The following SS18 variants were observed in gnomAD, a reference collection of about 807,000 sequenced individuals.
The protein encoded by SS18 is SS18 subunit of BAF chromatin remodeling complex, also known as protein SSXT.
Under a neutral mutation model 72.5 loss-of-function variants are expected in SS18, and 28 were observed. The observed-to-expected ratio is 0.39, with a 90% CI of 0.29 to 0.53. The LOEUF (loss-of-function observed/expected upper bound fraction) is 0.53. Among genes scored for constraint, SS18 ranks in the 20% least tolerant of loss-of-function variants. The pLI, the probability that SS18 is intolerant of heterozygous loss-of-function variation, is 0.76. For synonymous variants in SS18, 172 were observed against 164.2 expected (o/e 1.05, Z -0.37); for missense variants, 518 against 535.3 (o/e 0.97, Z 0.32).
chr18:26,032,647 T>A (rs1376203286), intron 9 of SS18, 115 bp from the exon 10 acceptor site: 1 of 1,215,650 alleles, frequency 8.2e-7, no homozygotes, highest in Non-Finnish European at 1.1e-6. Context: ...TAAAAAAAGA[T>A]AGTTTGGTAC....
At chr18:26,052,439 A>T (rs560558859) in intron 5 of SS18, among the ~76,000 whole-genome samples, 185 bp downstream of exon 5, 1 of 152,364 alleles carries the variant, frequency 6.6e-6, no homozygotes, top group South Asian at 2.1e-4. Flanking sequence ...AAATAAGCTT[A>T]AAAAGCTACA....
chr18:26,088,832 A>G (rs1048019518), intron 1 of SS18, among the ~76,000 whole-genome samples: 3 of 152,154 alleles, frequency 2.0e-5, no homozygotes, highest in African/African-American at 7.2e-5. Flanking sequence ...TCCATTTAAC[A>G]TTAACTGTCA....
intron 10 of SS18, among the ~76,000 whole-genome samples, chr18:26,031,348 C>A (rs1350816454): frequency 6.6e-6 from 1 of 152,166 alleles, no homozygotes; most frequent in Non-Finnish European, 1.5e-5. Context: ...AAGAACTGCT[C>A]ATGCCTCAAA....
intron 3 of SS18, among the ~76,000 whole-genome samples, chr18:26,062,446 GTAAAAT>G (rs1403939266): frequency 1.3e-5 from 2 of 152,024 alleles, no homozygotes; most frequent in East Asian, 3.9e-4. Flanking sequence ...GATGTACACT[GTAAAAT>G]TATATGTAAA....
At chr18:26,067,701 C>T (rs975741965) in intron 3 of SS18, among the ~76,000 whole-genome samples, 2 of 152,074 alleles carry the variant, frequency 1.3e-5, no homozygotes, top group East Asian at 1.9e-4. Flanking sequence ...GTGGTAAAGA[C>T]GACGAGCTGC....
intron 3 of SS18, among the ~76,000 whole-genome samples, chr18:26,058,828 A>G (rs1321448251): frequency 2.6e-5 from 4 of 152,214 alleles, no homozygotes; most frequent in Non-Finnish European, 5.9e-5. Context: ...TTAAATTCTC[A>G]TATTATTTCT....
chr18:26,089,021 A>G (rs1332350126), intron 1 of SS18, among the ~76,000 whole-genome samples: 2 of 152,186 alleles, frequency 1.3e-5, no homozygotes, highest in Admixed American at 1.3e-4. Flanking sequence ...TATCTCCAGT[A>G]TATTCCTCAA....
chr18:26,080,541 A>G (rs1457206129), intron 2 of SS18: 2 of 206,178 alleles, frequency 9.7e-6, no homozygotes, highest in African/African-American at 2.4e-5. Context: ...ATGGAGTTAA[A>G]GCAGGACACT....
intron 4 of SS18, among the ~76,000 whole-genome samples, chr18:26,053,635 A>T (rs2053962062): frequency 1.3e-5 from 2 of 150,598 alleles, no homozygotes; most frequent in African/African-American, 5.0e-5. Context: ...CACCAGTAAA[A>T]GAATGGGCAA....
At chr18:26,030,697 T>C (rs1164890872) in intron 10 of SS18, among the ~76,000 whole-genome samples, 2 of 152,054 alleles carry the variant, frequency 1.3e-5, no homozygotes, top group Non-Finnish European at 2.9e-5. Flanking sequence ...AGACAAGAGA[T>C]GTTCTGTACA....
At chr18:26,089,155 A>G (rs1463416168) in intron 1 of SS18, among the ~76,000 whole-genome samples, 1 of 152,256 alleles carries the variant, frequency 6.6e-6, no homozygotes. Flanking sequence ...ATAATTGATC[A>G]GCATCCTCCG....
At chr18:26,023,718 C>A in intron 10 of SS18, 1 of 477,190 alleles carries the variant, frequency 2.1e-6, no homozygotes, top group Admixed American at 3.0e-5. Context: ...TACCAGTACA[C>A]CTGCATTTCA....
intron 2 of SS18, chr18:26,085,979 TAGTC>T (rs770876016): frequency 8.6e-5 from 13 of 151,818 alleles, no homozygotes; most frequent in African/African-American, 1.5e-4. Context: ...GAGAATAAAA[TAGTC>T]AGCCCTCAGT....
At chr18:26,066,315 AATCAGGAGGCAGT>A (rs2054215636) in intron 3 of SS18, among the ~76,000 whole-genome samples, 1 of 152,130 alleles carries the variant, frequency 6.6e-6, no homozygotes, top group African/African-American at 2.4e-5. Flanking sequence ...TTGAGAATTA[AATCAGGAGGCAGT>A]ATCATTCTGC....
At chr18:26,060,576 T>C (rs1425211350) in intron 3 of SS18, among the ~76,000 whole-genome samples, 1 of 151,460 alleles carries the variant, frequency 6.6e-6, no homozygotes, top group Non-Finnish European at 1.5e-5. Flanking sequence ...AAAAAAAGAA[T>C]GGACAACCAA....
At chr18:26,087,668 A>C (rs1211892245) in intron 1 of SS18, 91 bp from the exon 2 acceptor site, 2 of 726,708 alleles carry the variant, frequency 2.8e-6, no homozygotes, top group Non-Finnish European at 4.8e-6. Flanking sequence ...GCATTAGTAA[A>C]TACTGCTTGT....
chr18:26,020,005 T>C (rs1022719404), intron 10 of SS18, among the ~76,000 whole-genome samples: 4 of 151,994 alleles, frequency 2.6e-5, no homozygotes, highest in African/African-American at 9.7e-5. Flanking sequence ...ACTGATGAAG[T>C]TGGGTGATGG....
At chr18:26,022,007 A>G (rs1284303154) in intron 10 of SS18, among the ~76,000 whole-genome samples, 1 of 152,174 alleles carries the variant, frequency 6.6e-6, no homozygotes, top group Admixed American at 6.5e-5. Context: ...GGGAGAGTAT[A>G]TTGAATGAGA....
intron 3 of SS18, among the ~76,000 whole-genome samples, chr18:26,062,958 T>C (rs902048184): frequency 3.3e-5 from 5 of 152,128 alleles, no homozygotes; most frequent in African/African-American, 4.8e-5. Context: ...CTCAGTAATG[T>C]ATAGAAGAAA....
Sources: gnomAD v4.1 joint callset for allele counts (sites outside exome capture counted in the v4.1 genomes callset) on GRCh38, gnomAD v4.1.1 for gene constraint, MANE v1.5 for transcripts, NCBI Gene and HGNC (gene_info 2026-07-23, HGNC 2026-07-21) for gene names.